The following DOP1A variants were observed in gnomAD, a reference collection of about 807,000 sequenced individuals.
DOP1A encodes protein DOP1A.
DOP1A carries 90 observed loss-of-function variants against 267.6 expected under a neutral mutation model. That is an observed-to-expected ratio of 0.34 (90% confidence interval 0.28 to 0.40). The LOEUF (loss-of-function observed/expected upper bound fraction) is 0.40, where lower values mean the gene tolerates loss of function less well. Ranked by LOEUF, DOP1A falls within the 10% of genes least tolerant of loss-of-function variation. The pLI, the probability that DOP1A is intolerant of heterozygous loss-of-function variation, is 1.00. For missense variants in DOP1A, 2,437 were observed against 2,900.4 expected (o/e 0.84, Z 3.67); for synonymous variants, 932 against 999.1 (o/e 0.93, Z 1.27).
At chr6:83,166,219 C>T (rs1785505971) in intron 38 of DOP1A, 1 of 504,810 alleles carries the variant, frequency 2.0e-6, no homozygotes, top group Non-Finnish European at 3.5e-6. Context: ...CTTCAAATGC[C>T]GAACGACCAT....
chr6:83,098,880 C>T (rs923341590), intron 3 of DOP1A, among the ~76,000 whole-genome samples: 3 of 152,114 alleles, frequency 2.0e-5, no homozygotes, highest in Admixed American at 2.0e-4. Context: ...CAGCAAGGCC[C>T]GTCTGTCAGA....
chr6:83,070,823 A>G (rs1340151767), intron 1 of DOP1A, among the ~76,000 whole-genome samples: 2 of 152,068 alleles, frequency 1.3e-5, no homozygotes, highest in African/African-American at 2.4e-5. Flanking sequence ...GATTAATGTA[A>G]TATTTCCTCA....
intron 38 of DOP1A, among the ~76,000 whole-genome samples, chr6:83,163,394 A>G (rs1784698735): frequency 6.6e-6 from 1 of 152,200 alleles, no homozygotes; most frequent in African/African-American, 2.4e-5. Flanking sequence ...AGTTGTTTCA[A>G]CAGAACTAAT....
chr6:83,075,572 C>A (rs1253181905), intron 1 of DOP1A, among the ~76,000 whole-genome samples: 1 of 152,072 alleles, frequency 6.6e-6, no homozygotes, highest in Non-Finnish European at 1.5e-5. Flanking sequence ...AAAAGGGTGG[C>A]TCTCAAAAAA....
At chr6:83,079,608 G>A (rs933111553) in intron 1 of DOP1A, among the ~76,000 whole-genome samples, 1 of 152,148 alleles carries the variant, frequency 6.6e-6, no homozygotes, top group East Asian at 1.9e-4. Flanking sequence ...TGCTGAAAAC[G>A]TTAAATTACT....
chr6:83,071,812 CCTA>C (rs1190070926), intron 1 of DOP1A, among the ~76,000 whole-genome samples: 2 of 152,046 alleles, frequency 1.3e-5, no homozygotes, highest in African/African-American at 4.8e-5. Flanking sequence ...GATGTTACAT[CCTA>C]CTAGGGTACA....
rs112175126 is a variant in DOP1A at position 83,154,062 on chromosome 6, T to A, written c.6389+19T>A. ...TTAATCAGTAAGTTGCCCTCTTATTTGTATTCAGCATGATGCACCTCACAG... is the reference window on the plus strand; with the variant it reads ...TTAATCAGTAAGTTGCCCTCTTATTAGTATTCAGCATGATGCACCTCACAG... On this transcript the variant is annotated intron_variant, in intron 32 of 38. Coordinates refer to ENST00000349129, the MANE Select transcript of DOP1A (RefSeq NM_015018.4). 2,592 of 1,613,742 alleles carry A rather than the reference T, an allele frequency of 1.6e-3. 30 individuals are homozygous for A. In the African/African-American group the frequency reaches 0.03, roughly 19 times the overall value.
downstream of DOP1A, chr6:83,170,527 A>G (rs763803170): frequency 2.8e-6 from 4 of 1,435,190 alleles, no homozygotes; most frequent in South Asian, 4.8e-5. Flanking sequence ...TTCCTTTCAG[A>G]AGCTTAACCT....
rs567562692 is a variant in DOP1A, at chr6:83,120,889, T to TGGCCTTTAAA, written c.1099+99_1099+108dup. ...TCAGGGAAATTGTTATATTTTGAGG[T>TGGCCTTTAAA]GGCCTTTAAATATAAGTTCTCAACA... On this transcript the variant is annotated intron_variant, in intron 10 of 38. Transcript: ENST00000349129. The TGGCCTTTAAA allele has an allele frequency of 3.2e-3, 2,839 of 899,880 alleles. 15 individuals carry two copies. Among genetic ancestry groups the TGGCCTTTAAA allele is most frequent in the Admixed American group, 5.0e-3 (177 of 35,070 alleles). The allele number at this position is 899,880 out of a possible 1,614,324, so 55.7% of individuals were successfully genotyped here.
intron 1 of DOP1A, among the ~76,000 whole-genome samples, chr6:83,079,808 A>T (rs1767767937): frequency 6.6e-6 from 1 of 152,174 alleles, no homozygotes; most frequent in East Asian, 1.9e-4. Flanking sequence ...AAATAAAGAT[A>T]CTTTGAGAAA....
In DOP1A at chr6:83,138,041, C is replaced by T. The variant is rs777638605; in HGVS notation, c.3999C>T (p.Asn1333=). 1.9e-6 allele frequency: 3 copies of T among 1,610,756 alleles called. No homozygotes were observed. Among genetic ancestry groups the T allele is most frequent in the East Asian group, 4.5e-5 (2 of 44,840 alleles). The change falls in exon 21 of 39, where the codon AAC becomes AAT. Residue 1333 remains asparagine (N), a synonymous_variant. Transcript: ENST00000349129. ...TCAGTGATGGTCTGGATTTAGAGAA[C>T]TGGTATAGCTGTGGAGAGGGAGACA... ...VFFSDGLDLE[N]WYSCGEGDIS...
chr6:83,164,562 G>A (rs1414760333), intron 38 of DOP1A: 8 of 1,117,000 alleles, frequency 7.2e-6, no homozygotes, highest in Non-Finnish European at 1.1e-5. Context: ...TTGATTGAAA[G>A]GCATCTTCCC....
chr6:83,100,854 T>C lies in DOP1A; in HGVS notation c.288T>C (p.Pro96=). ...AAATTATCTTCAAAATAATTGGACC[T>C]AAGCGACTTGCCAAAGATCTTTTTT... ...TYEIIFKIIG[P]KRLAKDLFLY... is the part of the protein sequence containing the mutation. Residue 96 remains proline, a synonymous_variant, in exon 4 of 39, where the codon CCT becomes CCC. Coordinates refer to ENST00000349129, the MANE Select transcript of DOP1A (RefSeq NM_015018.4). 1 of 1,561,534 alleles carries C rather than the reference T, an allele frequency of 6.4e-7. No individual in the cohort carries two copies. The highest frequency in any genetic ancestry group is 8.7e-7 in the Non-Finnish European group (1 of 1,154,406).
At chr6:83,141,825 A>G (rs1324601393) in intron 23 of DOP1A, 96 bp from the exon 24 acceptor site, 2 of 1,245,716 alleles carry the variant, frequency 1.6e-6, no homozygotes, top group East Asian at 4.8e-5. Context: ...ACCTATAAGT[A>G]CTATATTATT....
chr6:83,125,826 A>T, intron 15 of DOP1A, 93 bp downstream of exon 15: 1 of 1,096,716 alleles, frequency 9.1e-7, no homozygotes, highest in Non-Finnish European at 1.3e-6. Context: ...TAAGCATTTA[A>T]ATAATAGTGA....
chr6:83,079,370 C>T (rs1326040509), intron 1 of DOP1A, among the ~76,000 whole-genome samples: 4 of 151,650 alleles, frequency 2.6e-5, no homozygotes, highest in African/African-American at 4.8e-5. Flanking sequence ...CAAAGAAAAA[C>T]GTTAAAATTC....
intron 1 of DOP1A, among the ~76,000 whole-genome samples, chr6:83,082,737 A>G (rs973145514): frequency 1.3e-5 from 2 of 152,220 alleles, no homozygotes; most frequent in Admixed American, 6.5e-5. Context: ...ATATACTTCA[A>G]AACATTATAT....
intron 1 of DOP1A, among the ~76,000 whole-genome samples, chr6:83,094,808 C>T (rs951809189): frequency 6.6e-6 from 1 of 152,088 alleles, no homozygotes; most frequent in African/African-American, 2.4e-5. Context: ...TATATTTTCT[C>T]CTATTCTGTC....
chr6:83,105,356 CTTTTTTTTTTTTTTTT>C (rs70987733), intron 4 of DOP1A, among the ~76,000 whole-genome samples: 2 of 65,892 alleles, frequency 3.0e-5, no homozygotes, highest in African/African-American at 5.5e-5. Flanking sequence ...GGATGTCTTT[CTTTTTTTTTTTTTTTT>C]TTTTTTTTTT....
Sources: allele counts gnomAD v4.1 joint callset (sites outside exome capture counted in the v4.1 genomes callset), GRCh38; gene constraint gnomAD v4.1.1; transcripts MANE v1.5; gene names NCBI Gene and HGNC (gene_info 2026-07-23, HGNC 2026-07-21).